Variants in PRPH2 observed in about 807,000 individuals in gnomAD.
PRPH2 encodes the protein peripherin 2.
A neutral mutation model predicts 31.3 loss-of-function variants in PRPH2; 17 were observed. That is an observed-to-expected ratio of 0.54 (90% CI 0.37 to 0.81). The LOEUF is 0.81. Ranked by LOEUF, PRPH2 falls within the 40% of genes least tolerant of loss-of-function variation. The pLI is 0.00. For synonymous variants in PRPH2, 165 were observed against 184.4 expected (o/e 0.89, Z 0.85); for missense variants, 430 against 439.7 (o/e 0.98, Z 0.20).
chr6:42,705,493 C>T (rs1454167414), intron 1 of PRPH2, among the ~76,000 whole-genome samples: 21 of 144,632 alleles, frequency 1.5e-4, no homozygotes, highest in African/African-American at 4.1e-4. Context: ...AAGGCCGAGG[C>T]GGGAGCCCAG....
chr6:42,713,549 C>A (rs1008602545), intron 1 of PRPH2, among the ~76,000 whole-genome samples: 4 of 152,168 alleles, frequency 2.6e-5, no homozygotes, highest in Non-Finnish European at 2.9e-5. Context: ...CGAACCTAAT[C>A]CATCCATGTT....
rs530135649 is a variant in PRPH2 at position 42,722,065 on chromosome 6, C to T, written c.270G>A (p.Lys90=). 2 of 1,614,188 alleles carry T rather than the reference C, an allele frequency of 1.2e-6. No homozygotes were observed. Among genetic ancestry groups the T allele is most frequent in the Non-Finnish European group, 1.7e-6 (2 of 1,180,028 alleles). The change falls in exon 1 of 3, where the codon AAG becomes AAA. Residue 90 remains lysine, a synonymous_variant. Transcript: ENST00000230381. This position sits in a 1 kb window ranked among gnomAD's most constrained non-coding sequence, Gnocchi z 4.4. Reference sequence around the variant, plus strand: ...TCAGCCAGGGCTTCCATCTGGCATACTTGGCTGGGTCCAGGGCGTCGTAGC... The same window carrying T: ...TCAGCCAGGGCTTCCATCTGGCATATTTGGCTGGGTCCAGGGCGTCGTAGC... ...KICYDALDPA[K]YARWKPWLKP... is the part of the protein sequence containing the mutation.
In PRPH2 at chr6:42,698,305, T is replaced by C; in HGVS notation, c.1031A>G (p.Glu344Gly). 2 of 1,613,676 alleles carry C rather than the reference T, an allele frequency of 1.2e-6. No individual in the cohort carries two copies. The highest frequency in any genetic ancestry group is 2.2e-5 in the East Asian group (1 of 44,878). Residue 344 changes from glutamate (E) to glycine (G), a missense_variant, in exon 3 of 3, where the codon GAG becomes GGG. Physicochemically the swap from Glu to Gly is moderately conservative, Grantham distance 98 (BLOSUM62 -2). Coordinates refer to ENST00000230381, the MANE Select transcript of PRPH2 (RefSeq NM_000322.5). Reference protein sequence around the residue: ...AEGADAGQAPEAG With the variant: ...AEGADAGQAPGAG Reference sequence around the variant, plus strand: ...GGGGCCCCAGGGCCCTCAGCCAGCCTCTGGGGCCTGGCCTGCGTCTGCGCC... The same window carrying C: ...GGGGCCCCAGGGCCCTCAGCCAGCCCCTGGGGCCTGGCCTGCGTCTGCGCC...
rs758660018 is a variant in PRPH2, at chr6:42,698,457, C to T, written c.879G>A (p.Val293=). The T allele has an allele frequency of 2.5e-6, 4 of 1,614,048 alleles. No individual in the cohort carries two copies. The highest frequency in any genetic ancestry group is 2.7e-5 in the African/African-American group (2 of 74,924). ...LRYLQTSLDG[V]SNPEESESES... ...CGCTCTCAGATTCCTCGGGGTTGGA[C>T]ACACCATCCAGCGACGTCTGTAGGT... The change falls in exon 3 of 3, where the codon GTG becomes GTA. Residue 293 remains valine (V), a synonymous_variant. Transcript: ENST00000230381.
intron 1 of PRPH2, among the ~76,000 whole-genome samples, chr6:42,709,430 C>A (rs768619477): frequency 6.6e-6 from 1 of 151,988 alleles, no homozygotes; most frequent in Non-Finnish European, 1.5e-5. Flanking sequence ...CCTGACTTGA[C>A]CTTTCATTCA....
rs1799963148 is a variant in PRPH2 at position 42,697,484 on chromosome 6, C to T, written c.*811G>A. On this transcript the variant is annotated 3_prime_UTR_variant, in exon 3 of 3. Coordinates refer to ENST00000230381, the MANE Select transcript of PRPH2 (RefSeq NM_000322.5). ...CTTCCACAGCAGGGCAGCAGCCTAC[C>T]CCACTGCTTCCACCGATGAGCCACA... 6.6e-6 allele frequency: 1 copy of T among 152,218 alleles called. No individual in the cohort carries two copies. The highest frequency in any genetic ancestry group is 1.5e-5 in the Non-Finnish European group (1 of 68,164). The allele number at this position is 152,218 out of a possible 1,614,324, so 9.4% of individuals were successfully genotyped here.
At chr6:42,712,579 C>T (rs1761688232) in intron 1 of PRPH2, among the ~76,000 whole-genome samples, 3 of 152,038 alleles carry the variant, frequency 2.0e-5, no homozygotes, top group Admixed American at 1.3e-4. Flanking sequence ...GATATTTGTT[C>T]CTAGGTGATG....
intron 1 of PRPH2, among the ~76,000 whole-genome samples, chr6:42,706,212 T>C (rs1006250667): frequency 6.6e-6 from 1 of 151,660 alleles, no homozygotes; most frequent in African/African-American, 2.4e-5. Flanking sequence ...GAGACCATCC[T>C]GGCTAACACG....
Position 42,704,409 on chromosome 6 carries a change from T to C in PRPH2, c.784A>G (p.Met262Val), listed in dbSNP as rs1800110412. 6.2e-7 allele frequency: 1 copy of C among 1,610,500 alleles called. No individual in the cohort carries two copies. Among genetic ancestry groups the C allele is most frequent in the Non-Finnish European group, 8.5e-7 (1 of 1,178,518 alleles). The part of the protein sequence containing the change: ...AALLSYYSSL[M>V]NSMGVVTLLI... ...AGCGTGACGACACCCATGGAGTTCA[T>C]GAGGCTGCTGTAGTAGCTCAGCAGG... is the stretch of plus-strand genomic sequence containing the variant. Residue 262 changes from methionine (M) to valine (V), a missense_variant, in exon 2 of 3, where the codon ATG becomes GTG. Met to Val is a conservative substitution (Grantham distance 21, BLOSUM62 1). Coordinates refer to ENST00000230381, the MANE Select transcript of PRPH2 (RefSeq NM_000322.5).
In PRPH2 at chr6:42,698,513, G is replaced by A. The variant is rs1799990208; in HGVS notation, c.829-6C>T. 6.2e-7 allele frequency: 1 copy of A among 1,614,140 alleles called. No homozygotes were observed. The highest frequency in any genetic ancestry group is 8.5e-7 in the Non-Finnish European group (1 of 1,180,030). ...AGCCCAATTGTAATGGTCACCTGGT[G>A]GTGGGAGAGGAGATTTAGAGGCAAT... On this transcript the variant is annotated splice_polypyrimidine_tract_variant and splice_region_variant and intron_variant, in intron 2 of 2. Coordinates refer to ENST00000230381, the MANE Select transcript of PRPH2 (RefSeq NM_000322.5).
At chr6:42,701,730 A>G (rs534900059) in intron 2 of PRPH2, among the ~76,000 whole-genome samples, 1 of 118,724 alleles carries the variant, frequency 8.4e-6, no homozygotes, top group East Asian at 2.8e-4. Flanking sequence ...AGGGCTCACT[A>G]TGTTGCCCAG....
intron 1 of PRPH2, among the ~76,000 whole-genome samples, chr6:42,710,826 G>T (rs1406579721): frequency 6.6e-6 from 1 of 152,232 alleles, no homozygotes; most frequent in African/African-American, 2.4e-5. Context: ...AGGGCAATGA[G>T]CAGGGGTATA....
chr6:42,712,265 A>G (rs1278138280), intron 1 of PRPH2, among the ~76,000 whole-genome samples: 1 of 152,212 alleles, frequency 6.6e-6, no homozygotes, highest in Non-Finnish European at 1.5e-5. Flanking sequence ...AATGCAAAGC[A>G]TGGACTTGGT....
chr6:42,699,544 T>G (rs1330964637), intron 2 of PRPH2, among the ~76,000 whole-genome samples: 8 of 152,206 alleles, frequency 5.3e-5, no homozygotes. Context: ...GATTTTCAGA[T>G]GAAGTGGTGC....
chr6:42,718,409 A>G (rs937998833), intron 1 of PRPH2, among the ~76,000 whole-genome samples: 1 of 152,048 alleles, frequency 6.6e-6, no homozygotes, highest in African/African-American at 2.4e-5. Flanking sequence ...TGATGGTTGC[A>G]GTGAGCCAAG....
rs1322933079 is a variant in PRPH2 at position 42,698,406 on chromosome 6, C to G, written c.930G>C (p.Arg310Ser). The change falls in exon 3 of 3, where the codon AGG becomes AGC. Residue 310 changes from arginine (R) to serine (S), a missense_variant. Physicochemically the swap from Arg to Ser is moderately radical, Grantham distance 110. Transcript: ENST00000230381. The part of the protein sequence containing the change: ...ESESQGWLLE[R>S]SVPETWKAFL... Reference sequence around the variant, plus strand: ...AGGCCTTCCAGGTCTCCGGCACGCTCCTCTCCAGCAGCCAGCCCTGGCTCT... The same window carrying G: ...AGGCCTTCCAGGTCTCCGGCACGCTGCTCTCCAGCAGCCAGCCCTGGCTCT... 1.2e-6 allele frequency: 2 copies of G among 1,613,724 alleles called. No individual in the cohort carries two copies. Among genetic ancestry groups the G allele is most frequent in the African/African-American group, 1.3e-5 (1 of 74,926 alleles).
At chr6:42,720,750 GC>G (rs1256733144) in intron 1 of PRPH2, among the ~76,000 whole-genome samples, 1 of 152,178 alleles carries the variant, frequency 6.6e-6, no homozygotes, top group African/African-American at 2.4e-5. Context: ...CCTAACCTCA[GC>G]CAGGTAGGGT....
Position 42,697,203 on chromosome 6 carries a change from G to A in PRPH2, c.*1092C>T, listed in dbSNP as rs1360931858. 3.3e-5 allele frequency: 5 copies of A among 152,152 alleles called. No homozygotes were observed. Among genetic ancestry groups the A allele is most frequent in the Non-Finnish European group, 5.9e-5 (4 of 68,042 alleles). 9.4% of individuals were successfully genotyped at this position (152,152 alleles called of 1,614,324 possible). A position where few individuals can be genotyped will look rare whatever the true frequency, so the allele number is the denominator to read the frequency against. ...TTTCCTAAAGAAAGTGAAAACTCCTGTATTTGCTAGCTCAGGAAGATGGGC... is the reference window on the plus strand; with the variant it reads ...TTTCCTAAAGAAAGTGAAAACTCCTATATTTGCTAGCTCAGGAAGATGGGC... On this transcript the variant is annotated 3_prime_UTR_variant, in exon 3 of 3. Coordinates refer to ENST00000230381, the MANE Select transcript of PRPH2 (RefSeq NM_000322.5).
chr6:42,710,082 G>C (rs571045031), intron 1 of PRPH2, among the ~76,000 whole-genome samples: 3 of 152,162 alleles, frequency 2.0e-5, no homozygotes, highest in Admixed American at 1.3e-4. Context: ...TGAGCCCCCA[G>C]ACAAGTCACC....
Sources: gnomAD v4.1 joint callset for allele counts (sites outside exome capture counted in the v4.1 genomes callset) on GRCh38, gnomAD v4.1.1 for gene constraint, Gnocchi (gnomAD v3.1) non-coding constraint, MANE v1.5 for transcripts, NCBI Gene and HGNC (gene_info 2026-07-23, HGNC 2026-07-21) for gene names.